The following CALN1 variants were observed in gnomAD, a reference collection of about 807,000 sequenced individuals.
The protein encoded by CALN1 is calcium-binding protein 8.
A neutral mutation model predicts 30.6 loss-of-function variants in CALN1; 17 were observed. The ratio of observed to expected loss-of-function variants is 0.56; its 90% CI spans 0.38 to 0.83. CALN1 has a LOEUF of 0.83. Among genes scored for constraint, CALN1 ranks in the 40% least tolerant of loss-of-function variants. CALN1 has a pLI of 0.00. For synonymous variants in CALN1, 156 were observed against 131.4 expected (o/e 1.19, Z -1.28); for missense variants, 291 against 354.9 (o/e 0.82, Z 1.45).
intron 2 of CALN1, among the ~76,000 whole-genome samples, chr7:72,308,094 T>G (rs1176879196): frequency 2.0e-5 from 3 of 152,106 alleles, no homozygotes; most frequent in African/African-American, 7.2e-5. Context: ...CTGGGTGCAG[T>G]GGCTCACACC....
At chr7:72,219,699 T>C (rs555518763) in intron 3 of CALN1, among the ~76,000 whole-genome samples, 19 of 149,384 alleles carry the variant, frequency 1.3e-4, no homozygotes, top group Non-Finnish European at 1.9e-4. Flanking sequence ...ACACATGCAA[T>C]GCACACACAC....
In CALN1 at chr7:72,231,069, G is replaced by A. The variant is rs746971586; in HGVS notation, c.244+47617C>T. 1.4e-4 allele frequency among the ~76,000 whole-genome samples: 22 copies of A among 151,982 alleles called. 1 individual carries two copies. The highest frequency in any genetic ancestry group is 2.2e-4 in the Non-Finnish European group (15 of 68,014). ...CACTGTCTACACTACCAGTCTGTCA[G>A]TCACTCAGTAGCTGACTGAGCTATC... On this transcript the variant is annotated intron_variant, in intron 3 of 6. Coordinates refer to ENST00000395275, the MANE Select transcript of CALN1 (RefSeq NM_031468.4).
At chr7:72,263,021 G>A (rs1460787899) in intron 3 of CALN1, among the ~76,000 whole-genome samples, 1 of 152,206 alleles carries the variant, frequency 6.6e-6, no homozygotes, top group Non-Finnish European at 1.5e-5. Context: ...GCCTGTCCTG[G>A]CAGAACAATT....
intron 5 of CALN1, among the ~76,000 whole-genome samples, chr7:71,963,638 T>C (rs1350533270): frequency 2.0e-5 from 3 of 152,142 alleles, no homozygotes; most frequent in African/African-American, 7.2e-5. Flanking sequence ...TTTCTTATCG[T>C]CTCTCCTTGG....
chr7:72,454,281 A>G, the CALN1 span, among the ~76,000 whole-genome samples: 1 of 152,206 alleles, frequency 6.6e-6, no homozygotes, highest in Non-Finnish European at 1.5e-5. Context: ...AGGAGGTCTA[A>G]GAGATGACTG....
chr7:72,411,677 C>T (rs538237358), intron 1 of CALN1, among the ~76,000 whole-genome samples: 3 of 152,270 alleles, frequency 2.0e-5, no homozygotes, highest in African/African-American at 7.2e-5. Context: ...GATAAGTTCT[C>T]AATGATGCCA....
At chr7:72,408,987 C>CT (rs1031883332) in intron 1 of CALN1, among the ~76,000 whole-genome samples, 4 of 151,072 alleles carry the variant, frequency 2.6e-5, no homozygotes, top group African/African-American at 9.8e-5. Context: ...CCCAAGTATA[C>CT]TTTTTTTGGG....
At chr7:72,057,225 G>T (rs1584850118) in intron 4 of CALN1, among the ~76,000 whole-genome samples, 1 of 152,238 alleles carries the variant, frequency 6.6e-6, no homozygotes, top group East Asian at 1.9e-4. Context: ...GGAATTACAA[G>T]CTTGAGCCAT....
chr7:71,813,748 TG>T (rs1788099192), intron 5 of CALN1, among the ~76,000 whole-genome samples: 1 of 151,768 alleles, frequency 6.6e-6, no homozygotes, highest in African/African-American at 2.4e-5. Context: ...GCTAACATGG[TG>T]AAACCCCGTC....
At chr7:71,844,162 G>T (rs1224060721) in intron 5 of CALN1, among the ~76,000 whole-genome samples, 1 of 152,118 alleles carries the variant, frequency 6.6e-6, no homozygotes, top group Admixed American at 6.6e-5. Context: ...TCATAGGGTG[G>T]CAAAGCTATC....
intron 5 of CALN1, among the ~76,000 whole-genome samples, chr7:72,017,645 C>T (rs1363103768): frequency 6.6e-6 from 1 of 152,176 alleles, no homozygotes; most frequent in Non-Finnish European, 1.5e-5. Flanking sequence ...TGTCTCCCGA[C>T]CTTTAGCCCC....
chr7:72,359,697 C>T (rs1266593266), intron 2 of CALN1, among the ~76,000 whole-genome samples: 5 of 151,676 alleles, frequency 3.3e-5, no homozygotes, highest in African/African-American at 9.7e-5. Context: ...GGATTGGGGC[C>T]GGGAAAGATG....
chr7:72,409,575 G>A (rs1488364947), intron 1 of CALN1, among the ~76,000 whole-genome samples: 1 of 151,912 alleles, frequency 6.6e-6, no homozygotes. Context: ...AGCAGACTCA[G>A]CACACCAAAG....
chr7:71,984,486 T>C (rs1011601635), intron 5 of CALN1, among the ~76,000 whole-genome samples: 12 of 152,206 alleles, frequency 7.9e-5, no homozygotes, highest in African/African-American at 1.9e-4. Context: ...ATTTGAGTCA[T>C]GTATAGAAGA....
intron 5 of CALN1, among the ~76,000 whole-genome samples, chr7:71,858,722 G>C (rs1217021585): frequency 6.6e-6 from 1 of 152,100 alleles, no homozygotes; most frequent in East Asian, 1.9e-4. Context: ...TCAAAAGAGT[G>C]AATCTACCTA....
At chr7:72,302,182 T>C (rs1039495437) in intron 2 of CALN1, among the ~76,000 whole-genome samples, 1 of 151,962 alleles carries the variant, frequency 6.6e-6, no homozygotes, top group Non-Finnish European at 1.5e-5. Flanking sequence ...GAGGAAATAA[T>C]ACAAGAGAAA....
chr7:71,924,719 T>C (rs764449920), intron 5 of CALN1, among the ~76,000 whole-genome samples: 4 of 152,188 alleles, frequency 2.6e-5, no homozygotes, highest in Non-Finnish European at 5.9e-5. Flanking sequence ...TATCTTCAAA[T>C]AATACAATGC....
chr7:72,216,037 T>TC (rs1562750740), intron 3 of CALN1, among the ~76,000 whole-genome samples: 1 of 152,040 alleles, frequency 6.6e-6, no homozygotes, highest in East Asian at 1.9e-4. Context: ...TTATAATACT[T>TC]CCTCCCTCCC....
At chr7:72,166,117 A>T (rs370864473) in intron 3 of CALN1, among the ~76,000 whole-genome samples, 6 of 152,344 alleles carry the variant, frequency 3.9e-5, no homozygotes, top group African/African-American at 1.2e-4. Flanking sequence ...CCTGGCTAAT[A>T]AAAACATTAG....
Sources: allele counts gnomAD v4.1 joint callset (sites outside exome capture counted in the v4.1 genomes callset), GRCh38; gene constraint gnomAD v4.1.1; transcripts MANE v1.5; gene names NCBI Gene and HGNC (gene_info 2026-07-23, HGNC 2026-07-21).